GPR176: variants seen among roughly 807,000 people sequenced by gnomAD.
GPR176 encodes the protein G protein-coupled receptor 176, also known as G-protein coupled receptor 176.
GPR176 carries 26 observed loss-of-function variants against 35.4 expected under a neutral mutation model. The ratio of observed to expected loss-of-function variants is 0.74; its 90% confidence interval spans 0.54 to 1.02. GPR176 has a LOEUF of 1.02. Ranked by LOEUF, GPR176 falls within the 50% of genes least tolerant of loss-of-function variation. GPR176 has a pLI of 0.00. For missense variants in GPR176, 597 were observed against 665.3 expected (o/e 0.90, Z 1.13); for synonymous variants, 278 against 271.3 (o/e 1.02, Z -0.24).
intron 1 of GPR176, among the ~76,000 whole-genome samples, chr15:39,910,489 G>A (rs1015323574): frequency 6.6e-6 from 1 of 151,686 alleles, no homozygotes; most frequent in African/African-American, 2.4e-5. Flanking sequence ...ACCTTGGAGG[G>A]GGAGGTTGCA....
At chr15:39,914,844 T>C (rs1269046537) in intron 1 of GPR176, among the ~76,000 whole-genome samples, 1 of 152,246 alleles carries the variant, frequency 6.6e-6, no homozygotes, top group Non-Finnish European at 1.5e-5. Flanking sequence ...ATTCTCTGGT[T>C]AATTTCAAAT....
chr15:39,886,833 G>A (rs963668399), intron 1 of GPR176, among the ~76,000 whole-genome samples: 2 of 152,272 alleles, frequency 1.3e-5, no homozygotes, highest in South Asian at 2.1e-4. Flanking sequence ...TCCTTAAGAG[G>A]GGGCTTTGTC....
intron 1 of GPR176, among the ~76,000 whole-genome samples, chr15:39,899,429 A>T (rs2033210595): frequency 6.6e-6 from 1 of 152,186 alleles, no homozygotes; most frequent in Admixed American, 6.5e-5. Context: ...TGATTCCTGG[A>T]CCTGTATTGT....
intron 1 of GPR176, among the ~76,000 whole-genome samples, chr15:39,892,804 G>C (rs2032925586): frequency 6.6e-6 from 1 of 152,236 alleles, no homozygotes; most frequent in Non-Finnish European, 1.5e-5. Flanking sequence ...CCGGCAGCTT[G>C]ATTTCAGACT....
chr15:39,901,919 CAA>C (rs373269532), intron 1 of GPR176, among the ~76,000 whole-genome samples: 34 of 138,186 alleles, frequency 2.5e-4, no homozygotes, highest in African/African-American at 6.6e-4. Context: ...ACCAAAAATA[CAA>C]AAAAAAAAAA....
intron 1 of GPR176, among the ~76,000 whole-genome samples, chr15:39,834,305 T>C (rs992035192): frequency 2.0e-5 from 3 of 152,176 alleles, no homozygotes; most frequent in South Asian, 4.1e-4. Flanking sequence ...TTATATTCCA[T>C]GAAGATTTAT....
At chr15:39,919,588 C>T (rs1035036433) in intron 1 of GPR176, among the ~76,000 whole-genome samples, 2 of 152,214 alleles carry the variant, frequency 1.3e-5, no homozygotes, top group Non-Finnish European at 1.5e-5. Context: ...CCGGGGCCAT[C>T]TGAGGAGGGG....
Position 39,861,366 on chromosome 15 carries a change from A to G in GPR176, c.173-54108T>C, listed in dbSNP as rs1041824337. Among the ~76,000 whole-genome samples the G allele has an allele frequency of 4.6e-5, 7 of 152,120 alleles. No homozygotes were observed. In the East Asian group the frequency reaches 1.3e-3, roughly 29 times the overall value. Reference sequence around the variant, plus strand: ...AGAGATCGAGACCACCCTGATCAACATGGTGAAACCCTGTCTCCACTAAAA... The same window carrying G: ...AGAGATCGAGACCACCCTGATCAACGTGGTGAAACCCTGTCTCCACTAAAA... On this transcript the variant is annotated intron_variant, in intron 1 of 2. Transcript: ENST00000561100.
At chr15:39,872,289 A>G (rs1479319387) in intron 1 of GPR176, among the ~76,000 whole-genome samples, 1 of 152,232 alleles carries the variant, frequency 6.6e-6, no homozygotes, top group Non-Finnish European at 1.5e-5. Context: ...TGTTCATTCC[A>G]AACTGAAGCA....
chr15:39,841,233 T>C (rs1199068221), intron 1 of GPR176, among the ~76,000 whole-genome samples: 1 of 152,154 alleles, frequency 6.6e-6, no homozygotes, highest in African/African-American at 2.4e-5. Context: ...ATGGTCATAA[T>C]AACGACCAAT....
chr15:39,827,069 G>C (rs1252174367), intron 1 of GPR176, among the ~76,000 whole-genome samples: 2 of 152,156 alleles, frequency 1.3e-5, no homozygotes, highest in African/African-American at 4.8e-5. Flanking sequence ...CAGGCTGGAG[G>C]CTATGCTAAA....
intron 1 of GPR176, among the ~76,000 whole-genome samples, chr15:39,865,180 C>T (rs1300320252): frequency 1.3e-5 from 2 of 152,058 alleles, no homozygotes; most frequent in Non-Finnish European, 2.9e-5. Context: ...ATCATTTGAT[C>T]CAGCAATCCC....
At chr15:39,907,681 T>C (rs1209224350) in intron 1 of GPR176, among the ~76,000 whole-genome samples, 2 of 152,232 alleles carry the variant, frequency 1.3e-5, no homozygotes, top group Non-Finnish European at 2.9e-5. Context: ...CTAGAGGCTA[T>C]TGAGTTCATC....
chr15:39,887,866 T>C (rs1409403047), intron 1 of GPR176, among the ~76,000 whole-genome samples: 1 of 152,212 alleles, frequency 6.6e-6, no homozygotes, highest in Non-Finnish European at 1.5e-5. Flanking sequence ...TATTTGGAGT[T>C]GAAGGCAACT....
At position 39,830,083 on chromosome 15, in the gene GPR176, A is replaced by G. The variant is rs547426940; in HGVS notation, c.173-22825T>C. ...CGTGTGTATTCTGCATCATAAGACA[A>G]CTAGTATGAAGAAAATCCTAAGGTA... On this transcript the variant is annotated intron_variant, in intron 1 of 2. Transcript: ENST00000561100. Among the ~76,000 whole-genome samples, 7 of 152,182 alleles carry G rather than the reference A, an allele frequency of 4.6e-5. No homozygotes were observed. The South Asian group carries it at 1.2e-3, about 27-fold the overall frequency.
In GPR176 at chr15:39,801,115, A is replaced by C. The variant is rs1898816737; in HGVS notation, c.*17T>G. The C allele has an allele frequency of 6.4e-7, 1 of 1,570,688 alleles. No homozygotes were observed. Among genetic ancestry groups the C allele is most frequent in the Admixed American group, 1.8e-5 (1 of 55,742 alleles). On this transcript the variant is annotated 3_prime_UTR_variant, in exon 3 of 3. Transcript: ENST00000561100. ...ATATGGAAGCTCCCCGTTGCTTCCA[A>C]GAATTTACAATCCTTGCTAGGAATC...
chr15:39,890,968 T>C (rs993129143), intron 1 of GPR176, among the ~76,000 whole-genome samples: 8 of 152,078 alleles, frequency 5.3e-5, no homozygotes, highest in African/African-American at 1.9e-4. Flanking sequence ...AAGGGGGAGG[T>C]AGCAGTGTTG....
intron 1 of GPR176, among the ~76,000 whole-genome samples, chr15:39,811,537 T>C (rs1034441235): frequency 3.3e-5 from 5 of 152,156 alleles, no homozygotes; most frequent in African/African-American, 1.2e-4. Flanking sequence ...TTGCATCATA[T>C]TTACCAGTTG....
At chr15:39,831,637 T>C (rs1021475487) in intron 1 of GPR176, among the ~76,000 whole-genome samples, 1 of 152,136 alleles carries the variant, frequency 6.6e-6, no homozygotes, top group Admixed American at 6.6e-5. Context: ...AACAAAATAC[T>C]GTAGATTTGA....
Sources: allele counts gnomAD v4.1 joint callset (sites outside exome capture counted in the v4.1 genomes callset), GRCh38; gene constraint gnomAD v4.1.1; transcripts MANE v1.5; gene names NCBI Gene and HGNC (gene_info 2026-07-23, HGNC 2026-07-21).